The following PDE4B variants were observed in gnomAD, a reference collection of about 807,000 sequenced individuals.
PDE4B encodes 3',5'-cyclic-AMP phosphodiesterase 4B.
In PDE4B, 20 loss-of-function variants were observed where a neutral mutation model predicts 82.2. That is an observed-to-expected ratio of 0.24 (90% CI 0.17 to 0.35). The LOEUF (loss-of-function observed/expected upper bound fraction) is 0.35, where lower values mean the gene tolerates loss of function less well. PDE4B is among the 10% of genes least tolerant of loss of function. The pLI, the probability that PDE4B is intolerant of heterozygous loss-of-function variation, is 1.00. For synonymous variants in PDE4B, 320 were observed against 318.9 expected (o/e 1.00, Z -0.04); for missense variants, 655 against 907.2 (o/e 0.72, Z 3.57).
chr1:65,885,938 G>T (rs1014395443), intron 1 of PDE4B, among the ~76,000 whole-genome samples: 4 of 150,108 alleles, frequency 2.7e-5, no homozygotes, highest in Non-Finnish European at 5.9e-5. Flanking sequence ...ATCTGTGCTG[G>T]CTAATAAGAC....
At chr1:65,849,446 C>CA (rs746703005) in intron 1 of PDE4B, among the ~76,000 whole-genome samples, 2 of 152,172 alleles carry the variant, frequency 1.3e-5, no homozygotes, top group Non-Finnish European at 2.9e-5. Flanking sequence ...AGCAGTACTC[C>CA]ATTGGGAAGC....
intron 1 of PDE4B, among the ~76,000 whole-genome samples, chr1:65,865,921 C>T (rs963001120): frequency 6.6e-6 from 1 of 152,204 alleles, no homozygotes; most frequent in Non-Finnish European, 1.5e-5. Flanking sequence ...ACCACCCCCA[C>T]TCCTTGAAAC....
intron 3 of PDE4B, among the ~76,000 whole-genome samples, chr1:65,960,704 T>A (rs917539869): frequency 6.6e-6 from 1 of 152,150 alleles, no homozygotes; most frequent in African/African-American, 2.4e-5. Flanking sequence ...CTACGTTGTG[T>A]CAAGGGCACC....
chr1:66,201,170 C>A (rs556979358), intron 3 of PDE4B, among the ~76,000 whole-genome samples: 83 of 152,296 alleles, frequency 5.4e-4, no homozygotes, highest in African/African-American at 1.8e-3. Flanking sequence ...GCATGTTGAG[C>A]CAGCCTTGCA....
At chr1:66,362,003 TG>T (rs1557728660) in intron 10 of PDE4B, among the ~76,000 whole-genome samples, 1 of 152,084 alleles carries the variant, frequency 6.6e-6, no homozygotes, top group Non-Finnish European at 1.5e-5. Context: ...GACCAAGTCT[TG>T]GGGGATAGCC....
At chr1:65,839,628 T>C (rs1344767526) in intron 1 of PDE4B, among the ~76,000 whole-genome samples, 9 of 152,178 alleles carry the variant, frequency 5.9e-5, no homozygotes, top group Admixed American at 5.9e-4. Flanking sequence ...CATAGTATTA[T>C]ATGATGTGTC....
intron 1 of PDE4B, among the ~76,000 whole-genome samples, chr1:65,799,780 T>C (rs977255779): frequency 1.3e-5 from 2 of 152,156 alleles, no homozygotes; most frequent in Non-Finnish European, 2.9e-5. Context: ...GACCAGCAGG[T>C]GTTCAAACAG....
At chr1:65,867,067 A>G (rs920426384) in intron 1 of PDE4B, among the ~76,000 whole-genome samples, 1 of 152,194 alleles carries the variant, frequency 6.6e-6, no homozygotes, top group African/African-American at 2.4e-5. Flanking sequence ...AGGATATAAA[A>G]TGAGGTATAG....
intron 3 of PDE4B, among the ~76,000 whole-genome samples, chr1:65,986,088 C>G (rs922196212): frequency 4.6e-5 from 7 of 152,116 alleles, no homozygotes; most frequent in Non-Finnish European, 1.0e-4. Context: ...ACTTTCAAGA[C>G]AGTAACAAAA....
At chr1:65,799,014 C>T (rs1053936931) in intron 1 of PDE4B, among the ~76,000 whole-genome samples, 20 of 152,062 alleles carry the variant, frequency 1.3e-4, no homozygotes, top group South Asian at 6.2e-4. Context: ...ACACTTTAAC[C>T]TTAGAGAAAG....
At chr1:66,214,615 AATTT>A (rs1557639152) in intron 3 of PDE4B, among the ~76,000 whole-genome samples, 1 of 152,116 alleles carries the variant, frequency 6.6e-6, no homozygotes, top group Non-Finnish European at 1.5e-5. Flanking sequence ...TTTATTAACA[AATTT>A]ATTTATTTTT....
chr1:66,370,094 T>C (rs1411731192), intron 16 of PDE4B, among the ~76,000 whole-genome samples: 1 of 133,264 alleles, frequency 7.5e-6, no homozygotes, highest in Non-Finnish European at 1.5e-5. Flanking sequence ...GACGTTGCAG[T>C]GAGCTGAGAT....
intron 7 of PDE4B, among the ~76,000 whole-genome samples, chr1:66,286,918 G>A (rs1203163095): frequency 6.6e-6 from 1 of 152,084 alleles, no homozygotes; most frequent in Admixed American, 6.6e-5. Flanking sequence ...TAATGTTCAA[G>A]CTTGAAGAAA....
chr1:65,985,476 A>G (rs551204842), intron 3 of PDE4B, among the ~76,000 whole-genome samples: 1 of 152,344 alleles, frequency 6.6e-6, no homozygotes, highest in South Asian at 2.1e-4. Flanking sequence ...GAAATAATAA[A>G]AAGATAAAAG....
Position 65,895,179 on chromosome 1 carries a change from T to C in PDE4B, c.-70-18066T>C, listed in dbSNP as rs1023564641. Among the ~76,000 whole-genome samples, 27 of 152,134 alleles carry C rather than the reference T, an allele frequency of 1.8e-4. 1 individual carries two copies. The highest frequency in any genetic ancestry group is 2.9e-5 in the Non-Finnish European group (2 of 68,022). On this transcript the variant is annotated intron_variant, in intron 1 of 16. Coordinates refer to ENST00000341517, the MANE Select transcript of PDE4B (RefSeq NM_002600.4). ...AAATTCTGTGTCTTAGTTTTAACAA[T>C]GTTAGAGAACTGTATACATTACTCA...
At chr1:65,958,140 G>A (rs1461043335) in intron 3 of PDE4B, among the ~76,000 whole-genome samples, 1 of 151,994 alleles carries the variant, frequency 6.6e-6, no homozygotes, top group East Asian at 1.9e-4. Flanking sequence ...ATTTGATTAG[G>A]TTATGGGCGC....
intron 3 of PDE4B, among the ~76,000 whole-genome samples, chr1:66,012,177 A>G (rs1652522747): frequency 6.6e-6 from 1 of 152,232 alleles, no homozygotes; most frequent in East Asian, 1.9e-4. Flanking sequence ...TCAGTGAAAG[A>G]CAATCTTTTA....
chr1:65,992,566 TG>T (rs1355349479), intron 3 of PDE4B: 8 of 209,236 alleles, frequency 3.8e-5, no homozygotes, highest in African/African-American at 7.0e-5. Flanking sequence ...AAAGCCTTTA[TG>T]AATATTTCAT....
chr1:66,363,317 A>ATT, intron 11 of PDE4B, 51 bp downstream of exon 11: 4 of 1,467,478 alleles, frequency 2.7e-6, no homozygotes, highest in Non-Finnish European at 3.7e-6. Flanking sequence ...GCTCTTTATG[A>ATT]TTTTTTTTTT....
Sources: allele counts gnomAD v4.1 joint callset (sites outside exome capture counted in the v4.1 genomes callset), GRCh38; gene constraint gnomAD v4.1.1; transcripts MANE v1.5; gene names NCBI Gene and HGNC (gene_info 2026-07-23, HGNC 2026-07-21).